Variants in SETD3 observed in about 807,000 individuals in gnomAD.
SETD3 encodes actin-histidine N-methyltransferase.
A neutral mutation model predicts 63.0 loss-of-function variants in SETD3; 19 were observed. That is an observed-to-expected ratio of 0.30 (90% CI 0.21 to 0.44). SETD3 has a LOEUF of 0.44. Ranked by LOEUF, SETD3 falls within the 20% of genes least tolerant of loss-of-function variation. The pLI, the probability that SETD3 is intolerant of heterozygous loss-of-function variation, is 1.00. For synonymous variants in SETD3, 286 were observed against 264.1 expected, an observed-to-expected ratio of 1.08 and a Z score of -0.80; for missense variants, 587 against 728.5, an observed-to-expected ratio of 0.81 and a Z score of 2.24.
At chr14:99,419,592 G>T (rs932006953) in intron 6 of SETD3, among the ~76,000 whole-genome samples, 1 of 151,784 alleles carries the variant, frequency 6.6e-6, no homozygotes, top group Non-Finnish European at 1.5e-5. Context: ...CGGCTAAAAC[G>T]GTGAAACCCC....
intron 6 of SETD3, among the ~76,000 whole-genome samples, chr14:99,445,109 C>G (rs936742760): frequency 2.6e-5 from 4 of 152,202 alleles, no homozygotes; most frequent in African/African-American, 9.6e-5. Flanking sequence ...GTTATCTAAT[C>G]CTCCTTGGCA....
intron 1 of SETD3, among the ~76,000 whole-genome samples, chr14:99,467,778 G>A (rs1335505800): frequency 1.3e-5 from 2 of 152,122 alleles, no homozygotes; most frequent in Non-Finnish European, 2.9e-5. Flanking sequence ...GTGAGCCTGG[G>A]ACAGGGCTGT....
chr14:99,404,134 C>T (rs1259806843), intron 11 of SETD3, 91 bp downstream of exon 11: 3 of 964,754 alleles, frequency 3.1e-6, no homozygotes, highest in East Asian at 2.7e-5. Context: ...AGTTTTAATC[C>T]ACTTTACCTT....
chr14:99,398,905 G>A lies in SETD3; in HGVS notation c.1559C>T (p.Pro520Leu), dbSNP rs1014049327. Residue 520 changes from proline (P) to leucine (L), a missense_variant, in exon 13 of 13, where the codon CCC (proline) becomes CTC (leucine). Physicochemically the swap from Pro to Leu is moderately conservative, Grantham distance 98. Transcript: ENST00000331768. Reference protein sequence around the residue: ...LESSVGDSRLPLVLRNLEEEA... With the variant: ...LESSVGDSRLLLVLRNLEEEA... The stretch of plus-strand genomic sequence containing the variant: ...CTCCTCGAGGTTTCTCAAGACCAGG[G>A]GGAGCCTCGAGTCCCCCACGCTGCT... 1 of 1,613,950 alleles carries A rather than the reference G, an allele frequency of 6.2e-7. No homozygotes were observed. Among genetic ancestry groups the A allele is most frequent in the South Asian group, 1.1e-5 (1 of 91,084 alleles).
chr14:99,419,606 T>C (rs2139659366), intron 6 of SETD3, among the ~76,000 whole-genome samples: 1 of 151,786 alleles, frequency 6.6e-6, no homozygotes, highest in South Asian at 2.1e-4. Flanking sequence ...AAACCCCGTC[T>C]CTACTAAAAA....
chr14:99,445,412 G>A (rs936788638), intron 6 of SETD3, among the ~76,000 whole-genome samples: 45 of 152,320 alleles, frequency 3.0e-4, no homozygotes, highest in Admixed American at 2.6e-3. Context: ...TCACAACTGT[G>A]CTTCCACACT....
intron 1 of SETD3, among the ~76,000 whole-genome samples, chr14:99,478,260 G>A (rs1595289938): frequency 6.6e-6 from 1 of 152,188 alleles, no homozygotes; most frequent in African/African-American, 2.4e-5. Context: ...AGCAATAAAT[G>A]ACTCCGAGTT....
chr14:99,407,868 G>C (rs1255677249), intron 8 of SETD3, among the ~76,000 whole-genome samples: 1 of 152,178 alleles, frequency 6.6e-6, no homozygotes, highest in African/African-American at 2.4e-5. Context: ...TCAGCACACA[G>C]AACCTAAAAC....
intron 4 of SETD3, among the ~76,000 whole-genome samples, chr14:99,460,967 A>G (rs1030841242): frequency 2.0e-5 from 3 of 152,202 alleles, no homozygotes; most frequent in African/African-American, 7.2e-5. Flanking sequence ...CAGAAATGTG[A>G]ACTGACTTGC....
chr14:99,407,335 C>T (rs1343149570), intron 8 of SETD3, among the ~76,000 whole-genome samples: 1 of 152,132 alleles, frequency 6.6e-6, no homozygotes, highest in Non-Finnish European at 1.5e-5. Flanking sequence ...TACAAGGAAA[C>T]CCTCGCGTCT....
At chr14:99,479,354 C>T (rs547605602) in intron 1 of SETD3, among the ~76,000 whole-genome samples, 1 of 152,338 alleles carries the variant, frequency 6.6e-6, no homozygotes, top group East Asian at 1.9e-4. Flanking sequence ...GTATCAATCA[C>T]GGCAGCCCTT....
At chr14:99,408,832 C>T (rs577023384) in intron 8 of SETD3, among the ~76,000 whole-genome samples, 5 of 152,208 alleles carry the variant, frequency 3.3e-5, no homozygotes, top group East Asian at 3.9e-4. Context: ...GAAGTGCAGG[C>T]GGAAGCACAG....
chr14:99,405,069 T>C (rs1234491343), intron 10 of SETD3, 136 bp downstream of exon 10: 14 of 1,260,062 alleles, frequency 1.1e-5, no homozygotes, highest in Non-Finnish European at 1.5e-5. Context: ...ATGGCTTAAA[T>C]TTGCTGTGCC....
At chr14:99,471,715 C>A (rs1015812010) in intron 1 of SETD3, among the ~76,000 whole-genome samples, 1 of 152,188 alleles carries the variant, frequency 6.6e-6, no homozygotes, top group Non-Finnish European at 1.5e-5. Flanking sequence ...TAGGACATTA[C>A]ATTTAATAAG....
intron 1 of SETD3, 63 bp downstream of exon 1, chr14:99,480,665 G>A (rs1896255564): frequency 6.6e-6 from 1 of 150,654 alleles, no homozygotes; most frequent in South Asian, 2.1e-4. Context: ...CGCAGAGCTC[G>A]GAGACGCGGC....
chr14:99,419,602 C>T (rs545362535), intron 6 of SETD3, among the ~76,000 whole-genome samples: 68 of 151,822 alleles, frequency 4.5e-4, no homozygotes, highest in African/African-American at 1.6e-3. Flanking sequence ...GGTGAAACCC[C>T]GTCTCTACTA....
intron 6 of SETD3, among the ~76,000 whole-genome samples, chr14:99,423,935 T>C (rs891079721): frequency 2.0e-5 from 3 of 152,090 alleles, no homozygotes; most frequent in African/African-American, 7.2e-5. Context: ...TACTGATCAA[T>C]AGTGGTAAAA....
At chr14:99,456,690 T>C (rs1478506780) in intron 6 of SETD3, among the ~76,000 whole-genome samples, 1 of 152,198 alleles carries the variant, frequency 6.6e-6, no homozygotes, top group East Asian at 1.9e-4. Flanking sequence ...ACCTGGCTCT[T>C]AAACAAATTG....
intron 6 of SETD3, among the ~76,000 whole-genome samples, chr14:99,455,208 C>G (rs1233997638): frequency 1.3e-5 from 2 of 152,240 alleles, no homozygotes; most frequent in Non-Finnish European, 2.9e-5. Flanking sequence ...ATACCCGGCC[C>G]AGGGGCCAGG....
Sources: allele counts gnomAD v4.1 joint callset (sites outside exome capture counted in the v4.1 genomes callset), GRCh38; gene constraint gnomAD v4.1.1; transcripts MANE v1.5; gene names NCBI Gene and HGNC (gene_info 2026-07-23, HGNC 2026-07-21).